The following PIGU variants were observed in gnomAD, a reference collection of about 807,000 sequenced individuals.
PIGU encodes phosphatidylinositol glycan anchor biosynthesis class U.
PIGU carries 24 observed loss-of-function variants against 49.9 expected under a neutral mutation model. The observed-to-expected ratio is 0.48, with a 90% CI of 0.35 to 0.68. PIGU has a LOEUF of 0.68. Ranked by LOEUF, PIGU falls within the 30% of genes least tolerant of loss-of-function variation. PIGU has a pLI of 0.01. For synonymous variants in PIGU, 220 were observed against 205.7 expected (o/e 1.07, Z -0.59); for missense variants, 490 against 532.6 (o/e 0.92, Z 0.79).
rs1313852253 is a variant in PIGU at position 34,630,789 on chromosome 20, G to A, written c.529+3826C>T. Among the ~76,000 whole-genome samples the A allele has an allele frequency of 2.6e-5, 4 of 152,172 alleles. No individual in the cohort carries two copies. In the East Asian group the frequency reaches 7.7e-4, roughly 29 times the overall value. On this transcript the variant is annotated intron_variant, in intron 6 of 11. Coordinates refer to ENST00000217446, the MANE Select transcript of PIGU (RefSeq NM_080476.5). The stretch of plus-strand genomic sequence containing the variant: ...AGCCTCCTGAGTAGCTGGGACTATA[G>A]GCAAGTACCATCACACCGGGCTAAA...
chr20:34,591,025 A>C (rs1983956924), intron 7 of PIGU, among the ~76,000 whole-genome samples: 2 of 45,830 alleles, frequency 4.4e-5, no homozygotes, highest in South Asian at 7.8e-4. Flanking sequence ...CGTCTCGAAA[A>C]AAAGAGAAAA....
At chr20:34,606,854 C>G in intron 7 of PIGU, among the ~76,000 whole-genome samples, 1 of 152,160 alleles carries the variant, frequency 6.6e-6, no homozygotes, top group African/African-American at 2.4e-5. Flanking sequence ...CTCCGTCTCC[C>G]GGGTTCAAGC....
At chr20:34,631,755 A>T (rs1568649356) in intron 6 of PIGU, among the ~76,000 whole-genome samples, 1 of 3,814 alleles carries the variant, frequency 2.6e-4, no homozygotes, top group Non-Finnish European at 4.8e-4. Flanking sequence ...ATATATATAT[A>T]TATATATATA....
intron 8 of PIGU, among the ~76,000 whole-genome samples, chr20:34,587,833 T>C (rs1390208280): frequency 6.6e-6 from 1 of 152,214 alleles, no homozygotes; most frequent in Non-Finnish European, 1.5e-5. Context: ...AGAATTTCCT[T>C]TTTTAAGACT....
chr20:34,595,591 C>T (rs756498979), intron 7 of PIGU, among the ~76,000 whole-genome samples: 3 of 152,132 alleles, frequency 2.0e-5, no homozygotes, highest in Non-Finnish European at 2.9e-5. Context: ...CAGAGTAATA[C>T]TGCTCTTTTT....
chr20:34,575,274 C>T (rs182009554), intron 10 of PIGU, 28 bp from the exon 11 acceptor site: 1 of 1,606,678 alleles, frequency 6.2e-7, no homozygotes, highest in South Asian at 1.1e-5. Context: ...TACAGTTAGC[C>T]TGACACGCTC....
chr20:34,652,974 GTTTT>G (rs1297140166), intron 2 of PIGU, among the ~76,000 whole-genome samples: 1 of 136,302 alleles, frequency 7.3e-6, no homozygotes, highest in Non-Finnish European at 1.6e-5. Context: ...GTCAAGTTGG[GTTTT>G]TTTTTTTTTT....
intron 2 of PIGU, among the ~76,000 whole-genome samples, chr20:34,653,551 G>C (rs1027761581): frequency 3.3e-5 from 5 of 152,110 alleles, no homozygotes; most frequent in African/African-American, 1.2e-4. Flanking sequence ...TCTCTCAGAA[G>C]TATAAGCACC....
intron 11 of PIGU, among the ~76,000 whole-genome samples, chr20:34,563,853 A>G (rs996491929): frequency 3.3e-5 from 5 of 152,196 alleles, no homozygotes; most frequent in African/African-American, 1.2e-4. Context: ...GGAGGTTAAC[A>G]TCAGCTTGAA....
At chr20:34,592,188 CA>C (rs759695806) in intron 7 of PIGU, among the ~76,000 whole-genome samples, 3,183 of 77,064 alleles carry the variant, frequency 0.041, 55 homozygotes, top group African/African-American at 0.09. Context: ...GACTCCGTCT[CA>C]AAAAAAAAAA....
At chr20:34,631,408 C>T (rs1985703825) in intron 6 of PIGU, among the ~76,000 whole-genome samples, 1 of 151,872 alleles carries the variant, frequency 6.6e-6, no homozygotes, top group Admixed American at 6.6e-5. Context: ...TGTTCAGGAA[C>T]ACCCTCTAGA....
chr20:34,665,783 C>CT (rs1291725374), intron 1 of PIGU, among the ~76,000 whole-genome samples: 32 of 152,226 alleles, frequency 2.1e-4, no homozygotes, highest in Admixed American at 3.9e-4. Context: ...GATGTTTCAT[C>CT]TATGTACATC....
In PIGU at chr20:34,637,940, C is replaced by A; in HGVS notation, c.364G>T (p.Asp122Tyr). ...GGGGTCCGGATGAGTTCGGCCACAT[C>A]TGGGGCATACTGGTCCAGTTCTAGG... ...LLLELDQYAP[D>Y]VAELIRTPME... Residue 122 changes from aspartate to tyrosine, a missense_variant, in exon 5 of 12, where the codon GAT (aspartate) becomes TAT (tyrosine). By Grantham distance (160) the Asp-to-Tyr change is radical. Coordinates refer to ENST00000217446, the MANE Select transcript of PIGU (RefSeq NM_080476.5). 6.2e-7 allele frequency: 1 copy of A among 1,604,072 alleles called. No individual in the cohort carries two copies. The highest frequency in any genetic ancestry group is 8.5e-7 in the Non-Finnish European group (1 of 1,176,644).
intron 1 of PIGU, among the ~76,000 whole-genome samples, chr20:34,658,887 G>A (rs1438055097): frequency 2.1e-4 from 32 of 150,340 alleles, no homozygotes; most frequent in Middle Eastern, 3.5e-3. Context: ...CAGCCACCCC[G>A]TCCAGGAGGG....
chr20:34,660,351 A>C (rs1986894175), intron 1 of PIGU, among the ~76,000 whole-genome samples: 1 of 152,194 alleles, frequency 6.6e-6, no homozygotes, highest in Admixed American at 6.5e-5. Context: ...TTGGGAGGCC[A>C]AGGCAGGTGG....
chr20:34,603,861 G>GACACACACACACACACAC (rs142929319), intron 7 of PIGU, among the ~76,000 whole-genome samples: 13,805 of 143,620 alleles, frequency 0.096, 1,193 homozygotes, highest in African/African-American at 0.23. Context: ...TTAGTGGACA[G>GACACACACACACACACAC]ACACACACAC....
chr20:34,582,065 G>A (rs1357953792), intron 9 of PIGU, among the ~76,000 whole-genome samples: 1 of 152,162 alleles, frequency 6.6e-6, no homozygotes, highest in African/African-American at 2.4e-5. Context: ...CTTGCCAGAG[G>A]CCCCTCTGAC....
chr20:34,614,625 C>CA (rs11477079), intron 7 of PIGU, among the ~76,000 whole-genome samples: 3,179 of 113,884 alleles, frequency 0.028, 79 homozygotes, highest in African/African-American at 0.069. Flanking sequence ...GACCTGCTCT[C>CA]AAAAAAAAAA....
chr20:34,624,762 A>G (rs1243164175), intron 6 of PIGU, among the ~76,000 whole-genome samples: 1 of 152,192 alleles, frequency 6.6e-6, no homozygotes, highest in Admixed American at 6.5e-5. Context: ...AACTAATATC[A>G]ACCTGCCCAA....
Sources: gnomAD v4.1 joint callset for allele counts (sites outside exome capture counted in the v4.1 genomes callset) on GRCh38, gnomAD v4.1.1 for gene constraint, MANE v1.5 for transcripts, NCBI Gene and HGNC (gene_info 2026-07-23, HGNC 2026-07-21) for gene names.